The following MAPK13 variants were observed in gnomAD, a reference collection of about 807,000 sequenced individuals.
The protein encoded by MAPK13 is MAP kinase 13.
A neutral mutation model predicts 53.5 loss-of-function variants in MAPK13; 39 were observed. The observed-to-expected ratio is 0.73, with a 90% CI of 0.56 to 0.95. The LOEUF (loss-of-function observed/expected upper bound fraction) is 0.95, where lower values mean the gene tolerates loss of function less well. Among genes scored for constraint, MAPK13 ranks in the 40% least tolerant of loss-of-function variants. The pLI is 0.00. For missense variants in MAPK13, 460 were observed against 471.8 expected (o/e 0.98, Z 0.23); for synonymous variants, 179 against 190.9 (o/e 0.94, Z 0.51).
rs146356557 is a variant in MAPK13, at chr6:36,138,285, G to C, written c.683-80G>C. On this transcript the variant is annotated intron_variant, in intron 8 of 11. Transcript: ENST00000211287. ...GATGATCAGTTGCCATGGTGCCCGG[G>C]TGAAGTGATGGTGGGGTCGCAGGAA... 2,444 of 1,060,822 alleles carry C rather than the reference G, an allele frequency of 2.3e-3. 9 individuals are homozygous for C. The highest frequency in any genetic ancestry group is 0.012 in the African/African-American group (791 of 64,386). The allele number at this position is 1,060,822 out of a possible 1,614,324, so 65.7% of individuals were successfully genotyped here. A position where few individuals can be genotyped will look rare whatever the true frequency, so the allele number is the denominator to read the frequency against.
intron 8 of MAPK13, among the ~76,000 whole-genome samples, chr6:36,138,036 C>T (rs1265094359): frequency 6.6e-6 from 1 of 150,778 alleles, no homozygotes; most frequent in Non-Finnish European, 1.5e-5. Flanking sequence ...TACATTTTGG[C>T]ACGGCACACA....
In MAPK13 at chr6:36,130,697, G is replaced by C. The variant is rs140256527; in HGVS notation, c.115G>C (p.Val39Leu). ...CGTCGGCAGCGGGGCCTATGGCTCC[G>C]TGTGGTGAGACCCCTGGGCCGCTGG... ...THVGSGAYGS[V>L]CSAIDKRSGE... is the part of the protein sequence containing the mutation. The change falls in exon 1 of 12, where the codon GTG becomes CTG. Residue 39 changes from valine to leucine, a missense_variant. Coordinates refer to ENST00000211287, the MANE Select transcript of MAPK13 (RefSeq NM_002754.5). This position sits in a 1 kb window ranked among gnomAD's most constrained non-coding sequence, Gnocchi z 4.5. 1.4e-6 allele frequency: 2 copies of C among 1,440,150 alleles called. No individual in the cohort carries two copies. Among genetic ancestry groups the C allele is most frequent in the Non-Finnish European group, 1.9e-6 (2 of 1,050,098 alleles). The allele number at this position is 1,440,150 out of a possible 1,614,324, so 89.2% of individuals were successfully genotyped here.
chr6:36,139,285 C>CTT lies in MAPK13; in HGVS notation c.1019-7_1019-6dup, dbSNP rs558993043. The stretch of plus-strand genomic sequence containing the variant: ...CTTTACGCACCTTAAACCATGCTGC[C>CTT]TTTCTCAGAGCACATCTACAAGGAG... On this transcript the variant is annotated splice_polypyrimidine_tract_variant and intron_variant, in intron 11 of 11. Transcript: ENST00000211287. 82 of 1,613,686 alleles carry CTT rather than the reference C, an allele frequency of 5.1e-5. No homozygotes were observed. In the East Asian group the frequency reaches 1.7e-3, roughly 34 times the overall value.
rs1050062081 is a variant in MAPK13 at position 36,140,263 on chromosome 6, G to C, written c.*890G>C. ...GGTGAGTGATAAGCAATCAAGATAT[G>C]AAACAACAGCAGGCTCGGAGACTGC... On this transcript the variant is annotated 3_prime_UTR_variant, in exon 12 of 12. Coordinates refer to ENST00000211287, the MANE Select transcript of MAPK13 (RefSeq NM_002754.5). The C allele has an allele frequency of 6.6e-6, 1 of 152,536 alleles. No individual in the cohort carries two copies. Among genetic ancestry groups the C allele is most frequent in the African/African-American group, 2.4e-5 (1 of 41,456 alleles). 9.4% of individuals were successfully genotyped at this position (152,536 alleles called of 1,614,324 possible). A position where few individuals can be genotyped will look rare whatever the true frequency, so the allele number is the denominator to read the frequency against.
At position 36,131,253 on chromosome 6, in the gene MAPK13, C is replaced by A; in HGVS notation, c.120-18C>A. The A allele has an allele frequency of 6.2e-7, 1 of 1,607,274 alleles. No individual in the cohort carries two copies. Among genetic ancestry groups the A allele is most frequent in the East Asian group, 2.2e-5 (1 of 44,784 alleles). ...CCAGGAGGAGAGCCTCGCCTGCTGACCGGCCTGTGCCCGACAGCTCGGCCA... is the reference window on the plus strand; with the variant it reads ...CCAGGAGGAGAGCCTCGCCTGCTGAACGGCCTGTGCCCGACAGCTCGGCCA... On this transcript the variant is annotated intron_variant, in intron 1 of 11. Coordinates refer to ENST00000211287, the MANE Select transcript of MAPK13 (RefSeq NM_002754.5).
chr6:36,130,846 C>T lies in MAPK13; in HGVS notation c.119+145C>T, dbSNP rs908368096. 3.8e-6 allele frequency: 2 copies of T among 522,122 alleles called. No individual in the cohort carries two copies. The highest frequency in any genetic ancestry group is 7.6e-5 in the Admixed American group (2 of 26,440). The allele number at this position is 522,122 out of a possible 1,614,324, so 32.3% of individuals were successfully genotyped here. On this transcript the variant is annotated intron_variant, in intron 1 of 11. Coordinates refer to ENST00000211287, the MANE Select transcript of MAPK13 (RefSeq NM_002754.5). The surrounding 1 kb of genome is among the most constrained non-coding windows in gnomAD (Gnocchi z 4.5). ...CGCCCTCCCCGGGGCCACCCAGCGG[C>T]CATCTCCCTTTTCTCACCGAGTGGC...
chr6:36,139,044 A>G lies in MAPK13; in HGVS notation c.1007A>G (p.Asp336Gly). Residue 336 changes from aspartate (D) to glycine (G), a missense_variant, in exon 11 of 12, where the codon GAT becomes GGT. Coordinates refer to ENST00000211287, the MANE Select transcript of MAPK13 (RefSeq NM_002754.5). ...TTAGAACACGAGAAACTCACAGTGG[A>G]TGAATGGAAGCGTAAGAGCTGGGGC... is the stretch of plus-strand genomic sequence containing the variant. ...DSLEHEKLTVDEWKQHIYKEI... is the reference protein window; with the variant it reads ...DSLEHEKLTVGEWKQHIYKEI... 1 of 1,599,068 alleles carries G rather than the reference A, an allele frequency of 6.3e-7. No individual in the cohort carries two copies. The highest frequency in any genetic ancestry group is 2.2e-5 in the East Asian group (1 of 44,752).
chr6:36,131,183 C>T, intron 1 of MAPK13, 88 bp from the exon 2 acceptor site: 1 of 1,490,012 alleles, frequency 6.7e-7, no homozygotes, highest in Non-Finnish European at 9.1e-7. Flanking sequence ...CCCTCTCAGC[C>T]CAGCTGCCCA....
chr6:36,131,439 C>T, intron 2 of MAPK13, 39 bp downstream of exon 2: 1 of 1,585,734 alleles, frequency 6.3e-7, no homozygotes, highest in Non-Finnish European at 8.6e-7. Context: ...TGGGGGCTGC[C>T]CTGGGGAGTC....
In MAPK13 at chr6:36,138,442, G is replaced by C; in HGVS notation, c.760G>C (p.Ala254Pro). ...GTTTGTGCAGAAGCTGAACGACAAA[G>C]CGGTGGGTGGTAAATGGGACCTAGG... is the stretch of plus-strand genomic sequence containing the variant. ...TEFVQKLNDK[A>P]AKSYIQSLPQ... Residue 254 changes from alanine to proline, a missense_variant and splice_region_variant, in exon 9 of 12, where the codon GCG (alanine) becomes CCG (proline). Physicochemically the swap from Ala to Pro is conservative, Grantham distance 27. Transcript: ENST00000211287. 3.1e-6 allele frequency: 5 copies of C among 1,613,938 alleles called. No individual in the cohort carries two copies. The highest frequency in any genetic ancestry group is 4.2e-6 in the Non-Finnish European group (5 of 1,179,902).
rs71540139 is a variant in MAPK13 at position 36,137,649 on chromosome 6, CAAAAAAAAAA to C, written c.683-705_683-696del. Among the ~76,000 whole-genome samples, 10 of 120,202 alleles carry C rather than the reference CAAAAAAAAAA, an allele frequency of 8.3e-5. No homozygotes were observed. The East Asian group carries it at 1.7e-3, about 20-fold the overall frequency. 78.9% of individuals were successfully genotyped at this position (120,202 alleles called of 152,430 possible). On this transcript the variant is annotated intron_variant, in intron 8 of 11. Coordinates refer to ENST00000211287, the MANE Select transcript of MAPK13 (RefSeq NM_002754.5). ...TGGGTGACAGAGGGAGACCCTAACT[CAAAAAAAAAA>C]AAAAAAAAAACAAAATGTTGGGTGG...
rs1318691597 is a variant in MAPK13, at chr6:36,139,665, C to T, written c.*292C>T. The T allele has an allele frequency of 4.8e-6, 2 of 416,764 alleles. No individual in the cohort carries two copies. Among genetic ancestry groups the T allele is most frequent in the Admixed American group, 7.9e-5 (2 of 25,358 alleles). 25.8% of individuals were successfully genotyped at this position (416,764 alleles called of 1,614,324 possible). A position where few individuals can be genotyped will look rare whatever the true frequency, so the allele number is the denominator to read the frequency against. On this transcript the variant is annotated 3_prime_UTR_variant, in exon 12 of 12. Transcript: ENST00000211287. ...AGTGGGCGCTGAGCCAGGCCGGGGGCCTATGGCAGTGATGCTGTGTTGGTT... is the reference window on the plus strand; with the variant it reads ...AGTGGGCGCTGAGCCAGGCCGGGGGTCTATGGCAGTGATGCTGTGTTGGTT...
rs1288388243 is a variant in MAPK13, at chr6:36,135,831, C to T, written c.387C>T (p.Tyr129=). 3 of 1,613,792 alleles carry T rather than the reference C, an allele frequency of 1.9e-6. No individual in the cohort carries two copies. The highest frequency in any genetic ancestry group is 2.5e-6 in the Non-Finnish European group (3 of 1,179,872). The part of the protein sequence containing the change: ...GMEFSEEKIQ[Y]LVYQMLKGLK... ...AGTTCAGTGAGGAGAAGATCCAGTACCTGGTGTATCAGATGCTCAAAGGCC... is the reference window on the plus strand; with the variant it reads ...AGTTCAGTGAGGAGAAGATCCAGTATCTGGTGTATCAGATGCTCAAAGGCC... The change falls in exon 4 of 12, where the codon TAC becomes TAT. Residue 129 remains tyrosine, a synonymous_variant. Coordinates refer to ENST00000211287, the MANE Select transcript of MAPK13 (RefSeq NM_002754.5).
rs1027867066 is a variant in MAPK13, at chr6:36,142,069, C to T, written c.*2696C>T. On this transcript the variant is annotated 3_prime_UTR_variant, in exon 12 of 12. Coordinates refer to ENST00000211287, the MANE Select transcript of MAPK13 (RefSeq NM_002754.5). This position sits in a 1 kb window ranked among gnomAD's most constrained non-coding sequence, Gnocchi z 4.4. ...CCTTCTTGGCCTGGCATTCAAAACC[C>T]CTTGTGTTCTCTCTAATCTCATCAG... 1.3e-5 allele frequency: 2 copies of T among 152,422 alleles called. No homozygotes were observed. The highest frequency in any genetic ancestry group is 4.8e-5 in the African/African-American group (2 of 41,438). 9.4% of individuals were successfully genotyped at this position (152,422 alleles called of 1,614,324 possible).
intron 6 of MAPK13, 52 bp downstream of exon 6, chr6:36,136,583 A>G: frequency 6.3e-7 from 1 of 1,595,116 alleles, no homozygotes; most frequent in Non-Finnish European, 8.6e-7. Context: ...TCCCCCAGGG[A>G]AGCCCCTGGA....
At position 36,138,713 on chromosome 6, in the gene MAPK13, C is replaced by A. The variant is rs1476732952; in HGVS notation, c.774C>A (p.Tyr258Ter). Residue 258 changes from tyrosine (Y) to a stop codon, truncating the protein, a stop_gained, in exon 10 of 12, where the codon TAC (tyrosine) becomes TAA (stop). Transcript: ENST00000211287. LOFTEE classifies it high-confidence loss of function. The part of the protein sequence containing the change: ...QKLNDKAAKS[Y>*]IQSLPQTPRK... Reference sequence around the variant, plus strand: ...TTTCTGTCTTCCAGGCCAAATCCTACATCCAGTCCCTGCCACAGACCCCCA... The same window carrying A: ...TTTCTGTCTTCCAGGCCAAATCCTAAATCCAGTCCCTGCCACAGACCCCCA... 1 of 1,614,188 alleles carries A rather than the reference C, an allele frequency of 6.2e-7. No individual in the cohort carries two copies. Among genetic ancestry groups the A allele is most frequent in the Non-Finnish European group, 8.5e-7 (1 of 1,180,012 alleles).
intron 2 of MAPK13, 110 bp downstream of exon 2, chr6:36,131,510 C>T (rs1024392023): frequency 9.1e-7 from 1 of 1,097,734 alleles, no homozygotes; most frequent in Non-Finnish European, 1.3e-6. Flanking sequence ...CCTCCCTGCT[C>T]CCCTGACGGT....
At position 36,130,715 on chromosome 6, in the gene MAPK13, G is replaced by T; in HGVS notation, c.119+14G>T. On this transcript the variant is annotated intron_variant, in intron 1 of 11. Transcript: ENST00000211287. The surrounding 1 kb of genome is among the most constrained non-coding windows in gnomAD (Gnocchi z 4.5). ...TGGCTCCGTGTGGTGAGACCCCTGGGCCGCTGGGGGGCGGGGGGCGGGCGC... is the reference window on the plus strand; with the variant it reads ...TGGCTCCGTGTGGTGAGACCCCTGGTCCGCTGGGGGGCGGGGGGCGGGCGC... 7.4e-7 allele frequency: 1 copy of T among 1,356,886 alleles called. No individual in the cohort carries two copies. The highest frequency in any genetic ancestry group is 2.1e-5 in the Admixed American group (1 of 47,464). 84.1% of individuals were successfully genotyped at this position (1,356,886 alleles called of 1,614,324 possible).
Position 36,136,688 on chromosome 6 carries a change from C to A in MAPK13, c.528C>A (p.Asp176Glu), listed in dbSNP as rs762479045. The A allele has an allele frequency of 6.2e-7, 1 of 1,614,048 alleles. No individual in the cohort carries two copies. Among genetic ancestry groups the A allele is most frequent in the South Asian group, 1.1e-5 (1 of 91,046 alleles). ...ILDFGLARHA[D>E]AEMTGYVVTR... The stretch of plus-strand genomic sequence containing the variant: ...ATTTTGGGCTGGCGCGACATGCAGA[C>A]GCCGAGATGACTGGCTACGTGGTGA... Residue 176 changes from aspartate to glutamate, a missense_variant, in exon 7 of 12, where the codon GAC (aspartate) becomes GAA (glutamate). Asp to Glu is a conservative substitution (Grantham distance 45). Coordinates refer to ENST00000211287, the MANE Select transcript of MAPK13 (RefSeq NM_002754.5).
Sources: gnomAD v4.1 joint callset for allele counts (sites outside exome capture counted in the v4.1 genomes callset) on GRCh38, gnomAD v4.1.1 for gene constraint, Gnocchi (gnomAD v3.1) non-coding constraint, MANE v1.5 for transcripts, NCBI Gene and HGNC (gene_info 2026-07-23, HGNC 2026-07-21) for gene names.